LYSMD4: variants seen among roughly 807,000 people sequenced by gnomAD.
The protein encoded by LYSMD4 is LysM domain containing 4, also known as lysM and putative peptidoglycan-binding domain-containing protein 4.
Under a neutral mutation model 6.1 loss-of-function variants are expected in LYSMD4, and 9 were observed. The observed-to-expected ratio is 1.47, with a 90% CI of 0.88 to 2.56. The LOEUF is 2.56. Ranked by LOEUF, LYSMD4 falls within the 30% of genes most tolerant of loss-of-function variation. The pLI is 0.00. For missense variants in LYSMD4, 384 were observed against 373.5 expected (o/e 1.03, Z -0.23); for synonymous variants, 143 against 148.5 (o/e 0.96, Z 0.27).
At chr15:99,732,495 A>G (rs546077262) in intron 1 of LYSMD4, among the ~76,000 whole-genome samples, 47 of 152,374 alleles carry the variant, frequency 3.1e-4, no homozygotes, top group Non-Finnish European at 2.4e-4. Flanking sequence ...CTGTGGGGCT[A>G]AACTGCTCTT....
rs769745125 is a variant in LYSMD4 at position 99,729,248 on chromosome 15, C to T, written c.766G>A (p.Val256Ile). 9.3e-6 allele frequency: 15 copies of T among 1,614,184 alleles called. No homozygotes were observed. The South Asian group carries it at 1.4e-4, about 15-fold the overall frequency. ...ATTGCCATCGAGCCATTGGGGATGA[C>T]AGTTGTGTTCAAGCTATTAGGGGTC... ...GETPNSLNTT[V>I]IPNGSMAMGT... The change falls in exon 3 of 3, where the codon GTC (valine) becomes ATC (isoleucine). Residue 256 changes from valine (V) to isoleucine (I), a missense_variant. Coordinates refer to ENST00000684762, the MANE Select transcript of LYSMD4 (RefSeq NM_001284417.2).
downstream of LYSMD4, among the ~76,000 whole-genome samples, chr15:99,726,221 G>A (rs1220170046): frequency 7.9e-6 from 1 of 127,266 alleles, no homozygotes; most frequent in Non-Finnish European, 1.6e-5. Flanking sequence ...TCGGCTCACT[G>A]CAACCTCTGC....
chr15:99,731,300 G>A, intron 2 of LYSMD4: 1 of 1,600,930 alleles, frequency 6.2e-7, no homozygotes, highest in South Asian at 1.1e-5. Context: ...CAAAAGTCAA[G>A]TAAGCTACCA....
intron 2 of LYSMD4, chr15:99,731,359 A>G: frequency 6.2e-7 from 1 of 1,613,298 alleles, no homozygotes. Context: ...CAAGCATACC[A>G]TAGAAATCCG....
At chr15:99,723,855 C>T (rs1310240829), downstream of LYSMD4, among the ~76,000 whole-genome samples, 4 of 151,558 alleles carry the variant, frequency 2.6e-5, no homozygotes, top group African/African-American at 7.4e-5. Context: ...CTCATCAACT[C>T]GCTATTGCTC....
At chr15:99,725,325 A>G (rs965565768), downstream of LYSMD4, among the ~76,000 whole-genome samples, 8 of 152,194 alleles carry the variant, frequency 5.3e-5, no homozygotes, top group Non-Finnish European at 8.8e-5. Flanking sequence ...ATGCTAAACC[A>G]TAACAGCTAT....
chr15:99,716,842 G>A (rs1297721365), exon 1 of LYSMD4: 2 of 364,530 alleles, frequency 5.5e-6, no homozygotes, highest in Non-Finnish European at 5.5e-6. Flanking sequence ...GCCAAAGCCT[G>A]TTAGAGGGGG....
At chr15:99,723,737 G>A (rs900994123), downstream of LYSMD4, among the ~76,000 whole-genome samples, 1 of 152,264 alleles carries the variant, frequency 6.6e-6, no homozygotes, top group East Asian at 1.9e-4. Context: ...GTCATGCATC[G>A]CCTGTATCAA....
At chr15:99,730,568 T>G (rs2059380795) in intron 2 of LYSMD4, among the ~76,000 whole-genome samples, 1 of 152,244 alleles carries the variant, frequency 6.6e-6, no homozygotes, top group Admixed American at 6.5e-5. Flanking sequence ...CAGATCTCAA[T>G]CAAATCAATC....
rs199881670 is a variant in LYSMD4, at chr15:99,731,244, A to C, written c.282+474T>G. Reference sequence around the variant, plus strand: ...AAACAGGGTTATATAGATACACAGCATACAAAAGACCATGCAGTTCTAAAC... The same window carrying C: ...AAACAGGGTTATATAGATACACAGCCTACAAAAGACCATGCAGTTCTAAAC... On this transcript the variant is annotated intron_variant, in intron 2 of 2. Transcript: ENST00000684762. 1.5e-3 allele frequency: 2,417 copies of C among 1,608,080 alleles called. 1 individual carries two copies. Among genetic ancestry groups the C allele is most frequent in the Non-Finnish European group, 1.9e-3 (2,270 of 1,175,420 alleles).
chr15:99,721,888 G>A (rs920558497), upstream of LYSMD4, among the ~76,000 whole-genome samples: 8 of 152,280 alleles, frequency 5.3e-5, no homozygotes, highest in Admixed American at 2.6e-4. Flanking sequence ...CCAGCTCACC[G>A]CCTGCAGGGT....
exon 1 of LYSMD4, chr15:99,716,788 T>G (rs995147430): frequency 4.9e-6 from 2 of 411,564 alleles, no homozygotes; most frequent in African/African-American, 4.1e-5. Flanking sequence ...TGTGGATGAG[T>G]GGAATCCATT....
rs574040660 is a variant in LYSMD4 at position 99,732,357 on chromosome 15, T to G, written c.-8-350A>C. Among the ~76,000 whole-genome samples, 16 of 152,368 alleles carry G rather than the reference T, an allele frequency of 1.1e-4. No homozygotes were observed. In the South Asian group the frequency reaches 2.9e-3, roughly 28 times the overall value. On this transcript the variant is annotated intron_variant, in intron 1 of 2. Coordinates refer to ENST00000684762, the MANE Select transcript of LYSMD4 (RefSeq NM_001284417.2). The stretch of plus-strand genomic sequence containing the variant: ...GATCCTTGCAATGGCAAGTAAGGGC[T>G]GCCGCCAGCCTCCGCGCACTCAGAA...
chr15:99,723,012 CAG>C (rs973657397), downstream of LYSMD4, among the ~76,000 whole-genome samples: 4 of 151,424 alleles, frequency 2.6e-5, no homozygotes, highest in African/African-American at 9.7e-5. Flanking sequence ...GCCTGGGTGA[CAG>C]AGCAAGACTC....
intron 2 of LYSMD4, chr15:99,731,110 C>T (rs1289292587): frequency 6.0e-6 from 9 of 1,495,074 alleles, no homozygotes; most frequent in Non-Finnish European, 8.4e-6. Context: ...ACAGTGTTAG[C>T]AAAGTGAAAC....
At chr15:99,724,545 G>A (rs774522585), downstream of LYSMD4, among the ~76,000 whole-genome samples, 13 of 152,210 alleles carry the variant, frequency 8.5e-5, no homozygotes, top group African/African-American at 1.9e-4. Flanking sequence ...GATTACAGGC[G>A]TGAGCCACTG....
chr15:99,729,814 TG>T, intron 2 of LYSMD4, 83 bp from the exon 3 acceptor site: 1 of 1,460,962 alleles, frequency 6.8e-7, no homozygotes, highest in East Asian at 2.3e-5. Flanking sequence ...TTAATCTTTC[TG>T]GGTGATGATT....
chr15:99,725,102 C>T (rs922989288), downstream of LYSMD4, among the ~76,000 whole-genome samples: 38 of 152,074 alleles, frequency 2.5e-4, no homozygotes, highest in Middle Eastern at 0.01. Context: ...CCTTAAGTGC[C>T]GGGAAGGAAG....
At chr15:99,716,636 C>G (rs1221760883) in exon 1 of LYSMD4, 2 of 456,622 alleles carry the variant, frequency 4.4e-6, no homozygotes, top group African/African-American at 4.0e-5. Flanking sequence ...GAGACAGGGT[C>G]AAGGAAACCG....
Sources: gnomAD v4.1 joint callset for allele counts (sites outside exome capture counted in the v4.1 genomes callset) on GRCh38, gnomAD v4.1.1 for gene constraint, MANE v1.5 for transcripts, NCBI Gene and HGNC (gene_info 2026-07-23, HGNC 2026-07-21) for gene names.